Variants in DNM2 observed in about 807,000 individuals in gnomAD.
The protein encoded by DNM2 is dynamin 2, also known as dynamin-2.
A neutral mutation model predicts 99.0 loss-of-function variants in DNM2; 15 were observed. The ratio of observed to expected loss-of-function variants is 0.15; its 90% CI spans 0.10 to 0.23. The LOEUF is 0.23. DNM2 is among the 10% of genes least tolerant of loss of function. DNM2 has a pLI of 1.00. For missense variants in DNM2, 742 were observed against 1,189.4 expected (o/e 0.62, Z 5.53); for synonymous variants, 525 against 481.2 (o/e 1.09, Z -1.19).
chr19:10,735,635 G>A lies in DNM2; in HGVS notation c.161+17232G>A, dbSNP rs146596991. On this transcript the variant is annotated intron_variant, in intron 1 of 20. Transcript: ENST00000389253. Reference sequence around the variant, plus strand: ...TTCAAGCGATTCTCCTGCCTCAGCCGCTTGAGCAGCTGAGACTACAGGCGC... The same window carrying A: ...TTCAAGCGATTCTCCTGCCTCAGCCACTTGAGCAGCTGAGACTACAGGCGC... Among the ~76,000 whole-genome samples the A allele has an allele frequency of 7.7e-3, 1,165 of 151,628 alleles. 11 individuals carry two copies. The highest frequency in any genetic ancestry group is 0.026 in the African/African-American group (1,074 of 41,292).
In DNM2 at chr19:10,830,687, C is replaced by G. The variant is rs1182029755; in HGVS notation, c.2544-291C>G. Among the ~76,000 whole-genome samples, 1 of 152,176 alleles carries G rather than the reference C, an allele frequency of 6.6e-6. No homozygotes were observed. Among genetic ancestry groups the G allele is most frequent in the Non-Finnish European group, 1.5e-5 (1 of 68,030 alleles). ...TCCCACTGTTTACCTTCTTCTCCTT[C>G]CTGCTCCTGCCTGCCTCAACCTACC... On this transcript the variant is annotated intron_variant, in intron 20 of 20. Transcript: ENST00000389253. The surrounding 1 kb of genome is among the most constrained non-coding windows in gnomAD (Gnocchi z 4.8).
Position 10,761,321 on chromosome 19 carries a change from G to T in DNM2, c.235+1510G>T, listed in dbSNP as rs146515433. Among the ~76,000 whole-genome samples, 506 of 152,206 alleles carry T rather than the reference G, an allele frequency of 3.3e-3. 5 individuals are homozygous for T. The highest frequency in any genetic ancestry group is 0.012 in the African/African-American group (483 of 41,554). ...TTTTAATCAGACTTTGACTCTTAGGGAGACCCAGCCTGTTGAATATAGTAT... is the reference window on the plus strand; with the variant it reads ...TTTTAATCAGACTTTGACTCTTAGGTAGACCCAGCCTGTTGAATATAGTAT... On this transcript the variant is annotated intron_variant, in intron 2 of 20. Coordinates refer to ENST00000389253, the MANE Select transcript of DNM2 (RefSeq NM_001005361.3).
intron 1 of DNM2, among the ~76,000 whole-genome samples, chr19:10,754,811 C>T (rs1461546807): frequency 1.3e-5 from 2 of 152,046 alleles, no homozygotes; most frequent in South Asian, 2.1e-4. Flanking sequence ...AGGCTGGTCT[C>T]GAACTCCTGA....
chr19:10,781,245 G>A (rs2071359904), intron 5 of DNM2: 3 of 152,308 alleles, frequency 2.0e-5, no homozygotes, highest in South Asian at 2.1e-4. Flanking sequence ...GGCCCCTGCT[G>A]TTTCCTTCTT....
rs1599505797 is a variant in DNM2 at position 10,764,917 on chromosome 19, G to A, written c.235+5106G>A. On this transcript the variant is annotated intron_variant, in intron 2 of 20. Coordinates refer to ENST00000389253, the MANE Select transcript of DNM2 (RefSeq NM_001005361.3). The surrounding 1 kb of genome is among the most constrained non-coding windows in gnomAD (Gnocchi z 4.1). The stretch of plus-strand genomic sequence containing the variant: ...TGGTCACTTGCCGCCTTCGTTCCCC[G>A]GTCCCCGGCAGCACGAGTTATCCTG... Among the ~76,000 whole-genome samples the A allele has an allele frequency of 6.6e-6, 1 of 152,012 alleles. No individual in the cohort carries two copies. The highest frequency in any genetic ancestry group is 2.1e-4 in the South Asian group (1 of 4,800).
In DNM2 at chr19:10,798,009, G is replaced by A. The variant is rs185707837; in HGVS notation, c.1336-477G>A. 1.1e-4 allele frequency among the ~76,000 whole-genome samples: 16 copies of A among 152,244 alleles called. No homozygotes were observed. The East Asian group carries it at 1.4e-3, about 13-fold the overall frequency. ...GCCTGGGGAGGTGGGGGCATTTGGCGAGTGTGTGCCACAGATACAGTGATC... is the reference window on the plus strand; with the variant it reads ...GCCTGGGGAGGTGGGGGCATTTGGCAAGTGTGTGCCACAGATACAGTGATC... On this transcript the variant is annotated intron_variant, in intron 10 of 20. Coordinates refer to ENST00000389253, the MANE Select transcript of DNM2 (RefSeq NM_001005361.3).
intron 7 of DNM2, 87 bp from the exon 8 acceptor site, chr19:10,793,633 C>T (rs963009600): frequency 1.2e-6 from 2 of 1,611,380 alleles, no homozygotes; most frequent in Admixed American, 1.7e-5. Flanking sequence ...GGTAAAAGAA[C>T]AGTAAACCCT....
At position 10,759,729 on chromosome 19, in the gene DNM2, C is replaced by T. The variant is rs200736669; in HGVS notation, c.162-9C>T. ...AAGAGTAATTTCTGTCCCTCTCCCCCCCTCACAGGGACTTCCTTCCCCGCG... is the reference window on the plus strand; with the variant it reads ...AAGAGTAATTTCTGTCCCTCTCCCCTCCTCACAGGGACTTCCTTCCCCGCG... On this transcript the variant is annotated splice_polypyrimidine_tract_variant and intron_variant, in intron 1 of 20. Transcript: ENST00000389253. 11 of 1,614,156 alleles carry T rather than the reference C, an allele frequency of 6.8e-6. No individual in the cohort carries two copies. The highest frequency in any genetic ancestry group is 8.5e-6 in the Non-Finnish European group (10 of 1,180,026).
At chr19:10,759,314 T>G (rs1273775241) in intron 1 of DNM2, among the ~76,000 whole-genome samples, 1 of 152,248 alleles carries the variant, frequency 6.6e-6, no homozygotes, top group Non-Finnish European at 1.5e-5. Flanking sequence ...CTTCTGTAGA[T>G]GTGACTTTTC....
intron 6 of DNM2, among the ~76,000 whole-genome samples, chr19:10,785,339 G>C (rs2071525268): frequency 6.6e-6 from 1 of 151,530 alleles, no homozygotes; most frequent in East Asian, 1.9e-4. Context: ...GTGTTAGCTG[G>C]GATGGTCTTG....
At chr19:10,726,313 G>A (rs1279807150) in intron 1 of DNM2, among the ~76,000 whole-genome samples, 1 of 151,876 alleles carries the variant, frequency 6.6e-6, no homozygotes, top group Non-Finnish European at 1.5e-5. Flanking sequence ...CTCCTGCCTT[G>A]GCTTCCCAAA....
chr19:10,790,656 A>G (rs2071720781), intron 7 of DNM2, among the ~76,000 whole-genome samples: 1 of 152,220 alleles, frequency 6.6e-6, no homozygotes, highest in Non-Finnish European at 1.5e-5. Context: ...TAGTAAAGAC[A>G]GGGGTTTCAC....
rs74179951 is a variant in DNM2 at position 10,788,420 on chromosome 19, G to A, written c.992+1714G>A. On this transcript the variant is annotated intron_variant, in intron 7 of 20. Coordinates refer to ENST00000389253, the MANE Select transcript of DNM2 (RefSeq NM_001005361.3). ...GAGGGGAGTGGGAGGAGGTGATAGA[G>A]CAGGTTGTGCAGGGCCTTGTGGGGC... 2.9e-3 allele frequency among the ~76,000 whole-genome samples: 446 copies of A among 152,266 alleles called. 1 individual carries two copies. The highest frequency in any genetic ancestry group is 0.01 in the African/African-American group (428 of 41,570).
chr19:10,819,823 C>A (rs186879528), intron 15 of DNM2, among the ~76,000 whole-genome samples, 157 bp from the exon 16 acceptor site: 1 of 152,056 alleles, frequency 6.6e-6, no homozygotes, highest in African/African-American at 2.4e-5. Context: ...GACAGAGTGA[C>A]GGACGGGGAA....
At chr19:10,794,482 C>T (rs980923531) in intron 8 of DNM2, among the ~76,000 whole-genome samples, 2 of 152,132 alleles carry the variant, frequency 1.3e-5, no homozygotes, top group Non-Finnish European at 2.9e-5. Context: ...AATGCAGTGG[C>T]TCACGCCTAT....
At chr19:10,785,173 A>G (rs2071516259) in intron 6 of DNM2, among the ~76,000 whole-genome samples, 1 of 151,950 alleles carries the variant, frequency 6.6e-6, no homozygotes, top group Admixed American at 6.6e-5. Flanking sequence ...GCTGGAGTAC[A>G]GTGGCACAAT....
At chr19:10,748,104 G>T (rs1206221977) in intron 1 of DNM2, among the ~76,000 whole-genome samples, 1 of 152,172 alleles carries the variant, frequency 6.6e-6, no homozygotes, top group Non-Finnish European at 1.5e-5. Context: ...TTGGGGGGCT[G>T]CAGGGAAAAG....
chr19:10,792,420 A>G (rs948666384), intron 7 of DNM2, among the ~76,000 whole-genome samples: 2 of 152,202 alleles, frequency 1.3e-5, no homozygotes, highest in Non-Finnish European at 2.9e-5. Flanking sequence ...AAGGAGAGCA[A>G]TTAGGAATGC....
At chr19:10,743,912 G>C (rs1038707444) in intron 1 of DNM2, among the ~76,000 whole-genome samples, 2 of 151,282 alleles carry the variant, frequency 1.3e-5, no homozygotes, top group Non-Finnish European at 2.9e-5. Flanking sequence ...GCTTGAACTC[G>C]GGAGGCAAGG....
Sources: gnomAD v4.1 joint callset for allele counts (sites outside exome capture counted in the v4.1 genomes callset) on GRCh38, gnomAD v4.1.1 for gene constraint, Gnocchi (gnomAD v3.1) non-coding constraint, MANE v1.5 for transcripts, NCBI Gene and HGNC (gene_info 2026-07-23, HGNC 2026-07-21) for gene names.